Variants in TENM3 observed in about 807,000 individuals in gnomAD.
TENM3 encodes teneurin-3.
In TENM3, 63 loss-of-function variants were observed where a neutral mutation model predicts 255.1. The observed-to-expected ratio is 0.25, with a 90% CI of 0.20 to 0.30. The LOEUF (loss-of-function observed/expected upper bound fraction) is 0.30. Ranked by LOEUF, TENM3 falls within the 10% of genes least tolerant of loss-of-function variation. TENM3 has a pLI of 1.00. For missense variants in TENM3, 2,929 were observed against 3,461.1 expected, an observed-to-expected ratio of 0.85 and a Z score of 3.86; for synonymous variants, 1,306 against 1,322.3, an observed-to-expected ratio of 0.99 and a Z score of 0.27.
At chr4:181,888,225 T>C in the TENM3 span, among the ~76,000 whole-genome samples, 3 of 151,480 alleles carry the variant, frequency 2.0e-5, no homozygotes, top group Admixed American at 1.3e-4. Context: ...AGCCAGGGGT[T>C]TCCCCATGTT....
chr4:181,574,512 T>C, the TENM3 span, among the ~76,000 whole-genome samples: 1 of 148,482 alleles, frequency 6.7e-6, no homozygotes, highest in East Asian at 2.0e-4. Flanking sequence ...CAGTCCGGCC[T>C]GGGCGACAGA....
rs144919274 is a variant in TENM3, at chr4:182,321,272, T to C, written c.-75-2674T>C. 1.1e-4 allele frequency among the ~76,000 whole-genome samples: 17 copies of C among 152,300 alleles called. No homozygotes were observed. In the East Asian group the frequency reaches 3.1e-3, roughly 28 times the overall value. On this transcript the variant is annotated intron_variant, in intron 1 of 27. Coordinates refer to ENST00000511685, the MANE Select transcript of TENM3 (RefSeq NM_001080477.4). ...GACAGGAACATTTATCCACTCTTTG[T>C]CCTCAGCACCTAGAAGGCAGCCTAG... is the stretch of plus-strand genomic sequence containing the variant.
the TENM3 span, among the ~76,000 whole-genome samples, chr4:181,532,736 T>A: frequency 1.3e-5 from 2 of 152,202 alleles, no homozygotes; most frequent in Non-Finnish European, 2.9e-5. Context: ...CTATTTTATA[T>A]CCTAGTAGCT....
At position 182,362,803 on chromosome 4, in the gene TENM3, C is replaced by T. The variant is rs544589779; in HGVS notation, c.511+15874C>T. 4.7e-4 allele frequency among the ~76,000 whole-genome samples: 72 copies of T among 152,292 alleles called. 1 individual carries two copies. The East Asian group carries it at 0.012, about 26-fold the overall frequency. ...CTCAGATGGAAATGCAGAAATCACC[C>T]GTCTTCTGCATCGCTTACGCTGGGA... is the stretch of plus-strand genomic sequence containing the variant. On this transcript the variant is annotated intron_variant, in intron 3 of 27. Coordinates refer to ENST00000511685, the MANE Select transcript of TENM3 (RefSeq NM_001080477.4).
At chr4:182,258,928 GAA>G (rs1168833624) in intron 1 of TENM3, among the ~76,000 whole-genome samples, 1 of 152,192 alleles carries the variant, frequency 6.6e-6, no homozygotes, top group Non-Finnish European at 1.5e-5. Context: ...CATTTGTACT[GAA>G]AACTCTGGCT....
the TENM3 span, among the ~76,000 whole-genome samples, chr4:181,707,296 T>G: frequency 6.6e-6 from 1 of 152,192 alleles, no homozygotes; most frequent in African/African-American, 2.4e-5. Context: ...TAAGTTTGAA[T>G]AGTTATTTTC....
intron 3 of TENM3, among the ~76,000 whole-genome samples, chr4:182,442,257 T>C (rs1490700811): frequency 6.6e-6 from 1 of 152,210 alleles, no homozygotes; most frequent in African/African-American, 2.4e-5. Context: ...CTGAAATTAA[T>C]AATTATTATC....
chr4:181,629,635 C>T, the TENM3 span, among the ~76,000 whole-genome samples: 1 of 152,104 alleles, frequency 6.6e-6, no homozygotes, highest in Non-Finnish European at 1.5e-5. Context: ...TGCTGGATTA[C>T]GTTTATTGAT....
At chr4:182,600,095 T>C (rs1423200644) in intron 3 of TENM3, among the ~76,000 whole-genome samples, 2 of 152,234 alleles carry the variant, frequency 1.3e-5, no homozygotes, top group African/African-American at 4.8e-5. Flanking sequence ...GTTGTCAGAC[T>C]CTTTATGATT....
chr4:182,163,337 T>A (rs988821696), intron 1 of TENM3, among the ~76,000 whole-genome samples: 1 of 152,006 alleles, frequency 6.6e-6, no homozygotes, highest in Admixed American at 6.6e-5. Context: ...AAACTCAGCA[T>A]GGAAGCCGAG....
chr4:182,645,016 A>G (rs1276491008), intron 5 of TENM3, among the ~76,000 whole-genome samples: 2 of 152,066 alleles, frequency 1.3e-5, no homozygotes, highest in African/African-American at 4.8e-5. Context: ...GTTACAACTT[A>G]TTTTAAAGGG....
intron 3 of TENM3, among the ~76,000 whole-genome samples, chr4:182,369,905 A>C (rs2150847297): frequency 6.6e-6 from 1 of 152,092 alleles, no homozygotes; most frequent in African/African-American, 2.4e-5. Context: ...AAGAAAGAAA[A>C]GTTTCATAGG....
the TENM3 span, among the ~76,000 whole-genome samples, chr4:181,621,356 A>G: frequency 7.2e-5 from 11 of 152,222 alleles, no homozygotes; most frequent in African/African-American, 2.7e-4. Flanking sequence ...ATATTTGTTT[A>G]ATACTTTTTT....
In TENM3 at chr4:182,364,219, T is replaced by C. The variant is rs79044269; in HGVS notation, c.511+17290T>C. 8.9e-3 allele frequency among the ~76,000 whole-genome samples: 1,359 copies of C among 152,096 alleles called. 17 individuals are homozygous for C. Among genetic ancestry groups the C allele is most frequent in the East Asian group, 0.067 (342 of 5,102 alleles). On this transcript the variant is annotated intron_variant, in intron 3 of 27. Coordinates refer to ENST00000511685, the MANE Select transcript of TENM3 (RefSeq NM_001080477.4). ...ATCAAATGAACTTAAGAATAAATCA[T>C]TTGAGTGTTTAAATCAATGCCCTTA...
the TENM3 span, among the ~76,000 whole-genome samples, chr4:181,970,728 C>T: frequency 6.6e-6 from 1 of 152,174 alleles, no homozygotes; most frequent in Admixed American, 6.5e-5. Context: ...TCCTCAGCTT[C>T]TCTGCTGCTG....
At chr4:182,082,471 G>C in the TENM3 span, among the ~76,000 whole-genome samples, 2 of 152,038 alleles carry the variant, frequency 1.3e-5, no homozygotes, top group African/African-American at 2.4e-5. Flanking sequence ...CCCAGCTTTC[G>C]CAATTATCAA....
chr4:182,621,800 AAT>A (rs1300134753), intron 4 of TENM3, among the ~76,000 whole-genome samples: 2 of 32,028 alleles, frequency 6.2e-5, no homozygotes, highest in Non-Finnish European at 1.2e-4. Flanking sequence ...TATAATATAT[AAT>A]ATATATATTA....
At chr4:182,528,839 A>G (rs1363025784) in intron 3 of TENM3, among the ~76,000 whole-genome samples, 4 of 152,242 alleles carry the variant, frequency 2.6e-5, no homozygotes, top group South Asian at 2.1e-4. Flanking sequence ...AAGAAAGTTT[A>G]TGAATCTGTG....
At chr4:182,661,262 G>A (rs867335292) in intron 6 of TENM3, among the ~76,000 whole-genome samples, 6 of 141,744 alleles carry the variant, frequency 4.2e-5, no homozygotes, top group South Asian at 4.6e-4. Context: ...GTGCAGTGGC[G>A]CGATCTTGGC....
Sources: allele counts gnomAD v4.1 joint callset (sites outside exome capture counted in the v4.1 genomes callset), GRCh38; gene constraint gnomAD v4.1.1; transcripts MANE v1.5; gene names NCBI Gene and HGNC (gene_info 2026-07-23, HGNC 2026-07-21).